PTPRN2: variants seen among roughly 807,000 people sequenced by gnomAD.
The protein encoded by PTPRN2 is receptor-type tyrosine-protein phosphatase N2.
PTPRN2 carries 74 observed loss-of-function variants against 118.8 expected under a neutral mutation model. The ratio of observed to expected loss-of-function variants is 0.62; its 90% CI spans 0.52 to 0.76. The LOEUF (loss-of-function observed/expected upper bound fraction) is 0.76. Ranked by LOEUF, PTPRN2 falls within the 30% of genes least tolerant of loss-of-function variation. The pLI is 0.00. For synonymous variants in PTPRN2, 641 were observed against 608.0 expected, an observed-to-expected ratio of 1.05 and a Z score of -0.80; for missense variants, 1,481 against 1,394.4, an observed-to-expected ratio of 1.06 and a Z score of -0.99.
Position 157,697,812 on chromosome 7 carries a change from C to T in PTPRN2, c.1789-14875G>A, listed in dbSNP as rs28547200. Among the ~76,000 whole-genome samples the T allele has an allele frequency of 1.5e-4, 17 of 110,712 alleles. 1 individual carries two copies. The highest frequency in any genetic ancestry group is 2.5e-4 in the Non-Finnish European group (14 of 55,692). The allele number at this position is 110,712 out of a possible 152,430, so 72.6% of individuals were successfully genotyped here. On this transcript the variant is annotated intron_variant, in intron 12 of 22. Transcript: ENST00000389418. Reference sequence around the variant, plus strand: ...CATCTACCCATGCATACTGGGTCTTCGCAGAGCCCTCACTGTCTACCCATG... The same window carrying T: ...CATCTACCCATGCATACTGGGTCTTTGCAGAGCCCTCACTGTCTACCCATG...
intron 11 of PTPRN2, among the ~76,000 whole-genome samples, chr7:158,034,114 C>T (rs952283918): frequency 7.5e-5 from 10 of 132,488 alleles, no homozygotes; most frequent in South Asian, 2.6e-4. Context: ...CAATGCTCTG[C>T]GTGTGGCTGG....
chr7:157,809,266 G>A (rs970633975), intron 12 of PTPRN2, among the ~76,000 whole-genome samples: 1 of 151,822 alleles, frequency 6.6e-6, no homozygotes, highest in Non-Finnish European at 1.5e-5. Context: ...GGTGTGGAAG[G>A]AGCCCGGCAC....
At chr7:158,270,886 GACCCCCTCCACCTGGACCA>G (rs1798385009) in intron 3 of PTPRN2, among the ~76,000 whole-genome samples, 2 of 7,988 alleles carry the variant, frequency 2.5e-4, no homozygotes, top group African/African-American at 1.8e-3. Flanking sequence ...CCACCTGGAT[GACCCCCTCCACCTGGACCA>G]CCCCCCCCAC....
chr7:157,682,168 T>A (rs1487418547), intron 13 of PTPRN2, among the ~76,000 whole-genome samples: 2 of 152,174 alleles, frequency 1.3e-5, no homozygotes, highest in African/African-American at 4.8e-5. Flanking sequence ...CCTCCCCGGT[T>A]TCCAGCTCAT....
chr7:158,410,444 C>T (rs897953253), intron 2 of PTPRN2, among the ~76,000 whole-genome samples: 2 of 152,066 alleles, frequency 1.3e-5, no homozygotes, highest in African/African-American at 4.8e-5. Context: ...AGAGTAGACA[C>T]CTGTGAGCCC....
chr7:158,039,751 A>G (rs7455229), intron 11 of PTPRN2, among the ~76,000 whole-genome samples: 76,374 of 151,956 alleles, frequency 0.5, 19,856 homozygotes, highest in Non-Finnish European at 0.56. Flanking sequence ...GCTAAAAGGG[A>G]AAAAAATCAC....
intron 2 of PTPRN2, among the ~76,000 whole-genome samples, chr7:158,447,567 G>A (rs530126138): frequency 3.3e-5 from 5 of 152,262 alleles, no homozygotes; most frequent in East Asian, 3.9e-4. Context: ...AGGCCGACCC[G>A]CCCAGCTTGC....
At chr7:158,337,231 CCA>C (rs66592921) in intron 2 of PTPRN2, among the ~76,000 whole-genome samples, 806 of 118,194 alleles carry the variant, frequency 6.8e-3, no homozygotes, top group Middle Eastern at 9.3e-3. Context: ...TCACTAACAC[CCA>C]CATTCTCACC....
chr7:158,575,115 A>G (rs1828253946), intron 1 of PTPRN2, among the ~76,000 whole-genome samples: 1 of 152,198 alleles, frequency 6.6e-6, no homozygotes, highest in African/African-American at 2.4e-5. Flanking sequence ...ATACCCACAC[A>G]TGGTAGAATC....
At chr7:157,841,281 C>T (rs1445750234) in intron 12 of PTPRN2, among the ~76,000 whole-genome samples, 1 of 152,218 alleles carries the variant, frequency 6.6e-6, no homozygotes, top group Admixed American at 6.5e-5. Flanking sequence ...CTCCCTGTCA[C>T]TGGCTGAACA....
intron 1 of PTPRN2, among the ~76,000 whole-genome samples, chr7:158,500,822 C>T (rs1451985444): frequency 6.6e-6 from 1 of 152,266 alleles, no homozygotes; most frequent in Non-Finnish European, 1.5e-5. Flanking sequence ...AGCTGCGGGG[C>T]CCAGTCCCCG....
intron 21 of PTPRN2, among the ~76,000 whole-genome samples, chr7:157,553,801 C>A (rs1325192574): frequency 6.6e-6 from 1 of 152,246 alleles, no homozygotes; most frequent in African/African-American, 2.4e-5. Flanking sequence ...CTGCTTCTTG[C>A]ATGCCAGGAT....
Position 157,590,212 on chromosome 7 carries a change from A to T in PTPRN2, c.2496+5026T>A, listed in dbSNP as rs192977560. On this transcript the variant is annotated intron_variant, in intron 17 of 22. Coordinates refer to ENST00000389418, the MANE Select transcript of PTPRN2 (RefSeq NM_002847.5). The surrounding 1 kb of genome is among the most constrained non-coding windows in gnomAD (Gnocchi z 4.0). Reference sequence around the variant, plus strand: ...TTCCTTTAAAATTGTTCCACACTTTAAAAAAAAAGTTTATATGACAAAATG... The same window carrying T: ...TTCCTTTAAAATTGTTCCACACTTTTAAAAAAAAGTTTATATGACAAAATG... Among the ~76,000 whole-genome samples, 16 of 151,832 alleles carry T rather than the reference A, an allele frequency of 1.1e-4. No homozygotes were observed. The highest frequency in any genetic ancestry group is 1.3e-4 in the Admixed American group (2 of 15,246).
chr7:158,342,252 C>T lies in PTPRN2; in HGVS notation c.164-25320G>A, dbSNP rs62493644. Among the ~76,000 whole-genome samples the T allele has an allele frequency of 4.5e-3, 486 of 107,438 alleles. 2 individuals carry two copies. Among genetic ancestry groups the T allele is most frequent in the Non-Finnish European group, 7.3e-3 (376 of 51,688 alleles). The allele number at this position is 107,438 out of a possible 152,430, so 70.5% of individuals were successfully genotyped here. On this transcript the variant is annotated intron_variant, in intron 2 of 22. Coordinates refer to ENST00000389418, the MANE Select transcript of PTPRN2 (RefSeq NM_002847.5). ...CACTCTCACCATAAGAGCTGACGCC[C>T]GCAGACGTCACTCACACCCACACTC... is the stretch of plus-strand genomic sequence containing the variant.
intron 12 of PTPRN2, among the ~76,000 whole-genome samples, chr7:157,848,627 C>T (rs1308053679): frequency 1.3e-5 from 2 of 152,374 alleles, no homozygotes; most frequent in Middle Eastern, 3.4e-3. Flanking sequence ...TCAATGAAGC[C>T]ACAGAGCTTG....
Position 157,706,943 on chromosome 7 carries a change from C to G in PTPRN2, c.1789-24006G>C, listed in dbSNP as rs1181956925. 2.0e-5 allele frequency among the ~76,000 whole-genome samples: 3 copies of G among 151,482 alleles called. No homozygotes were observed. The East Asian group carries it at 5.9e-4, about 30-fold the overall frequency. ...GAACTGAGCAAATCTGACCCAGGTG[C>G]CTTCTGGATCAAGGTGGAACACATC... On this transcript the variant is annotated intron_variant, in intron 12 of 22. Transcript: ENST00000389418.
intron 12 of PTPRN2, among the ~76,000 whole-genome samples, chr7:157,777,995 T>C (rs911997419): frequency 2.7e-5 from 3 of 112,894 alleles, no homozygotes; most frequent in African/African-American, 1.1e-4. Context: ...AAAAAAAAAA[T>C]ACCCCAATTC....
chr7:158,069,785 T>C (rs959804834), intron 11 of PTPRN2, among the ~76,000 whole-genome samples: 1 of 152,236 alleles, frequency 6.6e-6, no homozygotes, highest in South Asian at 2.1e-4. Flanking sequence ...GCAAGGCCAA[T>C]GGACATCTTG....
chr7:158,122,219 C>T (rs12698153), intron 9 of PTPRN2, among the ~76,000 whole-genome samples: 48,084 of 152,098 alleles, frequency 0.32, 8,288 homozygotes, highest in Middle Eastern at 0.46. Flanking sequence ...CTGAAGATGG[C>T]GTCTCCTCTC....
Sources: gnomAD v4.1 joint callset for allele counts (sites outside exome capture counted in the v4.1 genomes callset) on GRCh38, gnomAD v4.1.1 for gene constraint, Gnocchi (gnomAD v3.1) non-coding constraint, MANE v1.5 for transcripts, NCBI Gene and HGNC (gene_info 2026-07-23, HGNC 2026-07-21) for gene names.